SEC14L1: variants seen among roughly 807,000 people sequenced by gnomAD.
SEC14L1 encodes the protein SEC14-like protein 1.
Under a neutral mutation model 85.3 loss-of-function variants are expected in SEC14L1, and 48 were observed. That is an observed-to-expected ratio of 0.56 (90% CI 0.45 to 0.72). The LOEUF (loss-of-function observed/expected upper bound fraction) is 0.72. Ranked by LOEUF, SEC14L1 falls within the 30% of genes least tolerant of loss-of-function variation. The pLI is 0.00. For synonymous variants in SEC14L1, 391 were observed against 355.5 expected, an observed-to-expected ratio of 1.10 and a Z score of -1.12; for missense variants, 682 against 921.4, an observed-to-expected ratio of 0.74 and a Z score of 3.36.
intron 3 of SEC14L1, among the ~76,000 whole-genome samples, chr17:77,119,941 C>G (rs1442908806): frequency 6.6e-6 from 1 of 152,214 alleles, no homozygotes; most frequent in Non-Finnish European, 1.5e-5. Flanking sequence ...GGACATTCCC[C>G]AGGCTGCCCT....
At chr17:77,135,867 CTTCT>C (rs1286668135) in intron 3 of SEC14L1, among the ~76,000 whole-genome samples, 1 of 150,954 alleles carries the variant, frequency 6.6e-6, no homozygotes, top group African/African-American at 2.4e-5. Context: ...TCCTTCCTTC[CTTCT>C]CTTTCTTTTC....
rs148660639 is a variant in SEC14L1 at position 77,121,805 on chromosome 17, C to G, written c.-135-20841C>G. On this transcript the variant is annotated intron_variant, in intron 3 of 19. Transcript: ENST00000392476. ...GGAGCTGGGACTCCAATCCTTTGTG[C>G]TCAAAGCCTAGGCTCTCCCTAGTTT... Among the ~76,000 whole-genome samples, 5 of 152,328 alleles carry G rather than the reference C, an allele frequency of 3.3e-5. 1 individual carries two copies. The East Asian group carries it at 9.6e-4, about 29-fold the overall frequency.
At chr17:77,161,462 C>T (rs1044391121) in intron 3 of SEC14L1, among the ~76,000 whole-genome samples, 7 of 152,132 alleles carry the variant, frequency 4.6e-5, no homozygotes, top group Non-Finnish European at 7.4e-5. Flanking sequence ...TGTGCCACTG[C>T]ACTCCAGCCT....
At chr17:77,149,097 C>T (rs1246824050) in intron 3 of SEC14L1, among the ~76,000 whole-genome samples, 2 of 152,170 alleles carry the variant, frequency 1.3e-5, no homozygotes, top group African/African-American at 4.8e-5. Context: ...CCACACGTCC[C>T]CGATGCCTCT....
At chr17:77,169,875 G>C (rs1209129269) in intron 3 of SEC14L1, among the ~76,000 whole-genome samples, 1 of 152,172 alleles carries the variant, frequency 6.6e-6, no homozygotes, top group Admixed American at 6.5e-5. Flanking sequence ...GGAGGGGGTT[G>C]TACCTTTGGT....
At chr17:77,131,256 C>G (rs1972601323) in intron 3 of SEC14L1, among the ~76,000 whole-genome samples, 1 of 152,154 alleles carries the variant, frequency 6.6e-6, no homozygotes, top group African/African-American at 2.4e-5. Flanking sequence ...GTAGGAAAAT[C>G]TGCTTTTTTG....
intron 3 of SEC14L1, among the ~76,000 whole-genome samples, chr17:77,100,245 C>G (rs1443222037): frequency 6.6e-6 from 1 of 152,232 alleles, no homozygotes; most frequent in Non-Finnish European, 1.5e-5. Context: ...TCTGCTTCCC[C>G]TTCTGCACCC....
intron 6 of SEC14L1, 89 bp from the exon 7 acceptor site, chr17:77,194,588 G>T (rs571165891): frequency 1.0e-6 from 1 of 954,034 alleles, no homozygotes; most frequent in Non-Finnish European, 1.6e-6. Flanking sequence ...ACCATCTTCC[G>T]TTGGCTAGAA....
rs766409355 is a variant in SEC14L1 at position 77,213,865 on chromosome 17, C to T, written c.2043-53C>T. On this transcript the variant is annotated intron_variant, in intron 16 of 16. Coordinates refer to ENST00000436233, the MANE Select transcript of SEC14L1 (RefSeq NM_001143998.2). This position sits in a 1 kb window ranked among gnomAD's most constrained non-coding sequence, Gnocchi z 7.1. ...AAGTCCAGCAGGCAGTGTGGGCCGG[C>T]GGGTGGTTGGCAGGGTGGTCCTCAC... 1.9e-6 allele frequency: 3 copies of T among 1,601,644 alleles called. No individual in the cohort carries two copies. Among genetic ancestry groups the T allele is most frequent in the African/African-American group, 2.7e-5 (2 of 74,750 alleles).
Position 77,204,522 on chromosome 17 carries a change from C to CTT in SEC14L1, c.1099-728_1099-727dup, listed in dbSNP as rs745921636. 2.7e-3 allele frequency among the ~76,000 whole-genome samples: 226 copies of CTT among 84,698 alleles called. 6 individuals are homozygous for CTT. Among genetic ancestry groups the CTT allele is most frequent in the East Asian group, 0.012 (26 of 2,208 alleles). 55.6% of individuals were successfully genotyped at this position (84,698 alleles called of 152,430 possible). A position where few individuals can be genotyped will look rare whatever the true frequency, so the allele number is the denominator to read the frequency against. Reference sequence around the variant, plus strand: ...GGCTTGAGCCACCCTGCCCAGCCAGCTTTTTTTTTTTTTTTTTTTTTTTTT... The same window carrying CTT: ...GGCTTGAGCCACCCTGCCCAGCCAGCTTTTTTTTTTTTTTTTTTTTTTTTTTT... On this transcript the variant is annotated intron_variant, in intron 10 of 16. Transcript: ENST00000436233.
At chr17:77,088,699 G>GC (rs1971430669), upstream of SEC14L1, 1 of 152,282 alleles carries the variant, frequency 6.6e-6, no homozygotes, top group Admixed American at 6.5e-5. Flanking sequence ...GGAGACACGT[G>GC]CTTTGGCCTG....
intron 3 of SEC14L1, among the ~76,000 whole-genome samples, chr17:77,115,827 A>G (rs1567875198): frequency 6.6e-6 from 1 of 152,146 alleles, no homozygotes; most frequent in Non-Finnish European, 1.5e-5. Context: ...TGAAGCAAGA[A>G]GACCTATATT....
At chr17:77,195,552 A>G (rs571101748) in intron 7 of SEC14L1, among the ~76,000 whole-genome samples, 10 of 152,098 alleles carry the variant, frequency 6.6e-5, no homozygotes, top group Non-Finnish European at 1.5e-4. Context: ...TAGTGGCACA[A>G]TCTCGGCTCA....
chr17:77,138,814 A>G (rs898302098), upstream of SEC14L1, among the ~76,000 whole-genome samples: 2 of 152,048 alleles, frequency 1.3e-5, no homozygotes, highest in Non-Finnish European at 2.9e-5. Context: ...ACAGAGTGAG[A>G]CTGTTTCAAG....
chr17:77,099,298 C>T (rs966937579), intron 3 of SEC14L1: 4 of 152,156 alleles, frequency 2.6e-5, no homozygotes, highest in Non-Finnish European at 4.4e-5. Flanking sequence ...CACGAGGCTC[C>T]GTAAGCCACA....
chr17:77,171,725 G>A lies in SEC14L1; in HGVS notation c.64-19078G>A, dbSNP rs140335148. Among the ~76,000 whole-genome samples the A allele has an allele frequency of 2.0e-4, 30 of 152,328 alleles. No individual in the cohort carries two copies. The East Asian group carries it at 5.8e-3, about 29-fold the overall frequency. The stretch of plus-strand genomic sequence containing the variant: ...TTGATTTAATGCAAACAGCTCACAT[G>A]TTTGCGCAGAGCAGGTGCAGACCCG... On this transcript the variant is annotated intron_variant, in intron 3 of 16. Transcript: ENST00000436233.
rs755137439 is a variant in SEC14L1 at position 77,213,506 on chromosome 17, C to A, written c.2042+14C>A. On this transcript the variant is annotated intron_variant, in intron 16 of 16. Coordinates refer to ENST00000436233, the MANE Select transcript of SEC14L1 (RefSeq NM_001143998.2). The surrounding 1 kb of genome is among the most constrained non-coding windows in gnomAD (Gnocchi z 7.1). ...GGAGGATTTCAGGTGCGGCCACCCT[C>A]GCCACAGCAGGTGCTGCGGACAGCT... The A allele has an allele frequency of 3.1e-6, 5 of 1,603,992 alleles. No individual in the cohort carries two copies. In the African/African-American group the frequency reaches 6.7e-5, roughly 21 times the overall value.
chr17:77,194,498 G>A (rs1261401119), intron 6 of SEC14L1, among the ~76,000 whole-genome samples, 179 bp from the exon 7 acceptor site: 1 of 151,762 alleles, frequency 6.6e-6, no homozygotes, highest in Non-Finnish European at 1.5e-5. Context: ...GGTACAGTGA[G>A]CTGTGATCAT....
intron 3 of SEC14L1, among the ~76,000 whole-genome samples, chr17:77,098,269 C>T (rs1430884509): frequency 6.6e-6 from 1 of 152,092 alleles, no homozygotes; most frequent in East Asian, 1.9e-4. Context: ...GAGGCCAAGG[C>T]AGGTGGATCA....
Sources: gnomAD v4.1 joint callset for allele counts (sites outside exome capture counted in the v4.1 genomes callset) on GRCh38, gnomAD v4.1.1 for gene constraint, Gnocchi (gnomAD v3.1) non-coding constraint, MANE v1.5 for transcripts, NCBI Gene and HGNC (gene_info 2026-07-23, HGNC 2026-07-21) for gene names.